NAALADL2: variants seen among roughly 807,000 people sequenced by gnomAD.
NAALADL2 encodes inactive N-acetylated-alpha-linked acidic dipeptidase-like protein 2.
Under a neutral mutation model 87.2 loss-of-function variants are expected in NAALADL2, and 76 were observed. The ratio of observed to expected loss-of-function variants is 0.87; its 90% CI spans 0.72 to 1.05. NAALADL2 has a LOEUF of 1.05. NAALADL2 is among the 50% of genes least tolerant of loss of function. The pLI is 0.00. For synonymous variants in NAALADL2, 354 were observed against 331.0 expected (o/e 1.07, Z -0.75); for missense variants, 1,089 against 945.8 (o/e 1.15, Z -1.99).
rs71312330 is a variant in NAALADL2, at chr3:175,496,735, T to C, written c.1653+24977T>C. Among the ~76,000 whole-genome samples the C allele has an allele frequency of 5.9e-3, 892 of 152,130 alleles. 2 individuals are homozygous for C. The highest frequency in any genetic ancestry group is 0.014 in the Middle Eastern group (4 of 294). ...CACCCAGCTATTTTTTGTGTGGTTT[T>C]TTTTTGCAGAGACAGGGTTTTACCA... On this transcript the variant is annotated intron_variant, in intron 9 of 13. Transcript: ENST00000454872.
Position 174,491,251 on chromosome 3 carries a change from T to C in NAALADL2, c.-184+50219T>C, listed in dbSNP as rs574317763. Among the ~76,000 whole-genome samples the C allele has an allele frequency of 3.5e-4, 53 of 152,244 alleles. No individual in the cohort carries two copies. In the South Asian group the frequency reaches 0.011, roughly 32 times the overall value. ...TTTTACCATTATATAAATTACTGAA[T>C]CTTATAACTGCAGGCCATGATTATA... On this transcript the variant is annotated intron_variant, in intron 1 of 3. Transcript: ENST00000434257.
At chr3:175,163,305 A>G (rs555527845) in intron 2 of NAALADL2, among the ~76,000 whole-genome samples, 1 of 152,238 alleles carries the variant, frequency 6.6e-6, no homozygotes, top group Non-Finnish European at 1.5e-5. Flanking sequence ...TCCAGATTGT[A>G]TAAACTTACT....
At chr3:174,752,769 A>G (rs1376604770) in intron 3 of NAALADL2, among the ~76,000 whole-genome samples, 3 of 152,084 alleles carry the variant, frequency 2.0e-5, no homozygotes, top group Non-Finnish European at 4.4e-5. Context: ...TTCCTTAGCA[A>G]TATGTTTAAC....
chr3:174,983,260 G>A (rs1477927175), intron 1 of NAALADL2, among the ~76,000 whole-genome samples: 1 of 152,180 alleles, frequency 6.6e-6, no homozygotes, highest in Non-Finnish European at 1.5e-5. Flanking sequence ...AGGCACTGCA[G>A]GGTAAACAGC....
Position 174,702,653 on chromosome 3 carries a change from C to A in NAALADL2, c.-114-34988C>A, listed in dbSNP as rs139164769. On this transcript the variant is annotated intron_variant, in intron 2 of 3. Coordinates refer to the NAALADL2 transcript ENST00000434257. ...ATAGGCTCTTGCTCTAGGCTGTCAG[C>A]CTGCAAGCATGTTACTATACTGTAC... is the stretch of plus-strand genomic sequence containing the variant. Among the ~76,000 whole-genome samples the A allele has an allele frequency of 7.5e-3, 1,136 of 152,284 alleles. 16 individuals carry two copies. The highest frequency in any genetic ancestry group is 0.027 in the Middle Eastern group (8 of 294).
intron 9 of NAALADL2, among the ~76,000 whole-genome samples, chr3:175,518,546 G>T (rs1456840527): frequency 6.6e-6 from 1 of 152,202 alleles, no homozygotes; most frequent in African/African-American, 2.4e-5. Context: ...AGTGCTGGAG[G>T]CTGAGAAGTC....
At chr3:174,979,694 AT>A (rs896456145) in intron 1 of NAALADL2, among the ~76,000 whole-genome samples, 33 of 147,618 alleles carry the variant, frequency 2.2e-4, no homozygotes, top group African/African-American at 8.3e-4. Context: ...ATTTAAATAT[AT>A]TTTTATTACC....
chr3:174,502,320 A>G (rs1718949964), intron 1 of NAALADL2, among the ~76,000 whole-genome samples: 1 of 152,334 alleles, frequency 6.6e-6, no homozygotes, highest in Non-Finnish European at 1.5e-5. Flanking sequence ...AGAAAATATA[A>G]CAGTTATAGT....
At chr3:175,504,116 A>C (rs774918960) in intron 9 of NAALADL2, among the ~76,000 whole-genome samples, 1 of 152,216 alleles carries the variant, frequency 6.6e-6, no homozygotes, top group Non-Finnish European at 1.5e-5. Context: ...ATAAATGTAA[A>C]GAATGTTTTA....
intron 13 of NAALADL2, among the ~76,000 whole-genome samples, chr3:175,764,192 G>T (rs1315315602): frequency 1.3e-5 from 2 of 150,204 alleles, no homozygotes; most frequent in Admixed American, 1.3e-4. Flanking sequence ...ATTGATTATG[G>T]TCCAGTATCC....
chr3:175,564,012 C>T (rs1716708144), intron 9 of NAALADL2, among the ~76,000 whole-genome samples: 1 of 152,184 alleles, frequency 6.6e-6, no homozygotes. Flanking sequence ...CATATTACTG[C>T]TGATGGCGTT....
intron 1 of NAALADL2, among the ~76,000 whole-genome samples, chr3:174,531,988 C>A (rs1578102671): frequency 1.3e-5 from 2 of 152,114 alleles, no homozygotes; most frequent in East Asian, 3.8e-4. Context: ...TTGATTTAGA[C>A]TAATGAAATA....
intron 1 of NAALADL2, among the ~76,000 whole-genome samples, chr3:175,058,512 C>A (rs887206621): frequency 2.6e-5 from 4 of 152,088 alleles, no homozygotes; most frequent in African/African-American, 4.8e-5. Context: ...AGTAAACATA[C>A]CTACATCCAT....
intron 1 of NAALADL2, among the ~76,000 whole-genome samples, chr3:174,532,769 A>C (rs1210058835): frequency 7.9e-5 from 12 of 151,922 alleles, no homozygotes; most frequent in Admixed American, 7.9e-4. Flanking sequence ...CTCACTTCTC[A>C]ACTTCACCAA....
At chr3:175,071,881 A>G (rs1490511548) in intron 1 of NAALADL2, among the ~76,000 whole-genome samples, 2 of 152,088 alleles carry the variant, frequency 1.3e-5, no homozygotes, top group Non-Finnish European at 1.5e-5. Context: ...TCTGGTCCTC[A>G]CCAGAGTTTC....
intron 1 of NAALADL2, among the ~76,000 whole-genome samples, chr3:174,937,248 T>C (rs1222650605): frequency 6.6e-6 from 1 of 152,012 alleles, no homozygotes; most frequent in Non-Finnish European, 1.5e-5. Flanking sequence ...CTCTAGGAAA[T>C]ACAGAAGAAA....
At chr3:174,677,278 A>G (rs1727122951) in intron 2 of NAALADL2, among the ~76,000 whole-genome samples, 1 of 151,930 alleles carries the variant, frequency 6.6e-6, no homozygotes, top group South Asian at 2.1e-4. Context: ...CTTTAACATC[A>G]TATTTAAAGT....
chr3:175,108,065 TTGTA>T (rs1369431888), intron 2 of NAALADL2, among the ~76,000 whole-genome samples: 2 of 151,920 alleles, frequency 1.3e-5, no homozygotes, highest in African/African-American at 4.8e-5. Context: ...CAGTAACTGA[TTGTA>T]TGTTATATCT....
chr3:175,527,570 C>T (rs2149436205), intron 9 of NAALADL2, among the ~76,000 whole-genome samples: 1 of 152,180 alleles, frequency 6.6e-6, no homozygotes, highest in Admixed American at 6.5e-5. Flanking sequence ...GTGAGTTAGT[C>T]AAGTGGGTCA....
Sources: gnomAD v4.1 joint callset for allele counts (sites outside exome capture counted in the v4.1 genomes callset) on GRCh38, gnomAD v4.1.1 for gene constraint, MANE v1.5 for transcripts, NCBI Gene and HGNC (gene_info 2026-07-23, HGNC 2026-07-21) for gene names.